PFDN5: variants seen among roughly 807,000 people sequenced by gnomAD.
PFDN5 encodes the protein c-myc binding protein.
Under a neutral mutation model 21.5 loss-of-function variants are expected in PFDN5, and 13 were observed. The observed-to-expected ratio is 0.60, with a 90% CI of 0.39 to 0.96. The LOEUF (loss-of-function observed/expected upper bound fraction) is 0.96. Among genes scored for constraint, PFDN5 ranks in the 40% least tolerant of loss-of-function variants. The pLI, the probability that PFDN5 is intolerant of heterozygous loss-of-function variation, is 0.00. For synonymous variants in PFDN5, 84 were observed against 68.9 expected, an observed-to-expected ratio of 1.22 and a Z score of -1.08; for missense variants, 188 against 186.2, an observed-to-expected ratio of 1.01 and a Z score of -0.06.
chr12:53,295,981 C>A (rs767676297), intron 2 of PFDN5, 40 bp downstream of exon 2: 13 of 1,228,376 alleles, frequency 1.1e-5, no homozygotes, highest in Non-Finnish European at 1.6e-5. Flanking sequence ...AAGTGGCGAA[C>A]CTGCTTCTCT....
At position 53,296,039 on chromosome 12, in the gene PFDN5, A is replaced by G. The variant is rs1944145940; in HGVS notation, c.175+98A>G. On this transcript the variant is annotated intron_variant, in intron 2 of 5. Coordinates refer to ENST00000334478, the MANE Select transcript of PFDN5 (RefSeq NM_002624.4). The stretch of plus-strand genomic sequence containing the variant: ...TTTCTTACCTGAAACGAGAAAATCC[A>G]TTACATATCGTATACCGCTTCATGA... 3 of 821,746 alleles carry G rather than the reference A, an allele frequency of 3.7e-6. No homozygotes were observed. In the Admixed American group the frequency reaches 6.1e-5, roughly 17 times the overall value. 50.9% of individuals were successfully genotyped at this position (821,746 alleles called of 1,614,324 possible).
At chr12:53,297,603 G>A (rs1169127534) in intron 3 of PFDN5, 1 of 488,800 alleles carries the variant, frequency 2.0e-6, no homozygotes, top group South Asian at 2.2e-5. Flanking sequence ...TGCTTAGAGA[G>A]TGAGAGATGG....
Position 53,299,434 on chromosome 12 carries a change from G to A in PFDN5, c.*89G>A. On this transcript the variant is annotated 3_prime_UTR_variant, in exon 6 of 6. Transcript: ENST00000334478. ...GTCTTGTGTTTTAATGCCAATAAAT[G>A]TGCCAGCTGGGCAGAATGTTGGTCT... is the stretch of plus-strand genomic sequence containing the variant. 2 of 840,594 alleles carry A rather than the reference G, an allele frequency of 2.4e-6. No individual in the cohort carries two copies. Among genetic ancestry groups the A allele is most frequent in the African/African-American group, 1.7e-5 (1 of 59,328 alleles). The allele number at this position is 840,594 out of a possible 1,614,324, so 52.1% of individuals were successfully genotyped here. A position where few individuals can be genotyped will look rare whatever the true frequency, so the allele number is the denominator to read the frequency against.
chr12:53,295,999 C>A, intron 2 of PFDN5, 58 bp downstream of exon 2: 2 of 1,020,536 alleles, frequency 2.0e-6, no homozygotes, highest in Non-Finnish European at 3.1e-6. Flanking sequence ...TCTCGTCCCA[C>A]CTCCTAACCC....
At chr12:53,296,408 T>G in intron 3 of PFDN5, 133 bp downstream of exon 3, 1 of 753,502 alleles carries the variant, frequency 1.3e-6, no homozygotes, top group Non-Finnish European at 2.3e-6. Flanking sequence ...GATACCCTTT[T>G]TTTTTTTCTT....
At chr12:53,296,029 G>A in intron 2 of PFDN5, 88 bp downstream of exon 2, 1 of 866,490 alleles carries the variant, frequency 1.2e-6, no homozygotes, top group Non-Finnish European at 1.9e-6. Flanking sequence ...TACCTGAAAC[G>A]AGAAAATCCA....
rs962193850 is a variant in PFDN5 at position 53,295,597 on chromosome 12, G to C, written c.30G>C (p.Leu10=). 6.2e-7 allele frequency: 1 copy of C among 1,613,972 alleles called. No homozygotes were observed. Among genetic ancestry groups the C allele is most frequent in the African/African-American group, 1.3e-5 (1 of 74,934 alleles). The change falls in exon 1 of 6, where the codon CTG becomes CTC. Residue 10 remains leucine, a synonymous_variant. Transcript: ENST00000334478. MAQSINITE[L]NLPQLEMLKN... is the part of the protein sequence containing the mutation. ...CGCAGTCTATTAACATCACGGAGCT[G>C]AATCTGCCGCAGCTAGAAATGCTCA... is the stretch of plus-strand genomic sequence containing the variant.
chr12:53,295,791 T>C, intron 1 of PFDN5, 48 bp from the exon 2 acceptor site: 1 of 1,340,218 alleles, frequency 7.5e-7, no homozygotes, highest in Non-Finnish European at 1.1e-6. Flanking sequence ...GCCGCGCTCC[T>C]TTCTCCCCTT....
intron 5 of PFDN5, chr12:53,298,486 AG>A (rs1944183375): frequency 9.8e-6 from 2 of 203,282 alleles, no homozygotes; most frequent in African/African-American, 4.6e-5. Context: ...AGAATCACTC[AG>A]GAAGTTTAAA....
At chr12:53,295,747 C>A in intron 1 of PFDN5, 92 bp from the exon 2 acceptor site, 2 of 1,285,186 alleles carry the variant, frequency 1.6e-6, no homozygotes, top group Non-Finnish European at 2.3e-6. Context: ...CCAGGCGAAA[C>A]CTCTATCCGA....
intron 5 of PFDN5, chr12:53,298,729 T>G (rs1944187478): frequency 6.4e-6 from 1 of 156,198 alleles, no homozygotes; most frequent in Non-Finnish European, 1.4e-5. Context: ...GGTTTTTTTT[T>G]TTTCCGAGAA....
Position 53,299,252 on chromosome 12 carries a change from CTTAT to C in PFDN5, c.389-14_389-11del, listed in dbSNP as rs1403183090. On this transcript the variant is annotated splice_polypyrimidine_tract_variant and intron_variant, in intron 5 of 5. Coordinates refer to ENST00000334478, the MANE Select transcript of PFDN5 (RefSeq NM_002624.4). Reference sequence around the variant, plus strand: ...TCCTTTTTGCTTCTAACCTTTGACTCTTATTTTTTTCCACAGCCGTCATGGAAAT... The same window carrying C: ...TCCTTTTTGCTTCTAACCTTTGACTCTTTTTTCCACAGCCGTCATGGAAAT... 25 of 1,595,256 alleles carry C rather than the reference CTTAT, an allele frequency of 1.6e-5. No homozygotes were observed. In the African/African-American group the frequency reaches 2.1e-4, roughly 14 times the overall value.
chr12:53,296,193 A>G (rs1944147573), intron 2 of PFDN5, 51 bp from the exon 3 acceptor site: 1 of 1,549,750 alleles, frequency 6.5e-7, no homozygotes, highest in Non-Finnish European at 8.9e-7. Flanking sequence ...TTAACGTCTT[A>G]CGTTGGAGCC....
chr12:53,295,671 T>C lies in PFDN5; in HGVS notation c.72+32T>C. 1.9e-6 allele frequency: 3 copies of C among 1,568,360 alleles called. No individual in the cohort carries two copies. In the Middle Eastern group the frequency reaches 5.0e-4, roughly 263 times the overall value. ...ACGGGCCCCAGAGGCACCTCTTTCC[T>C]GCTCTACATCCCCCTTGCCCACGCG... On this transcript the variant is annotated intron_variant, in intron 1 of 5. Coordinates refer to ENST00000334478, the MANE Select transcript of PFDN5 (RefSeq NM_002624.4).
At chr12:53,296,551 G>A (rs1944153924) in intron 3 of PFDN5, 1 of 549,548 alleles carries the variant, frequency 1.8e-6, no homozygotes, top group Non-Finnish European at 3.3e-6. Context: ...TGGGACTTTA[G>A]GTACGCGCCA....
intron 4 of PFDN5, 32 bp from the exon 5 acceptor site, chr12:53,298,012 CT>C (rs774920456): frequency 3.2e-6 from 5 of 1,568,712 alleles, no homozygotes; most frequent in African/African-American, 1.4e-5. Flanking sequence ...AGGGAGTCTC[CT>C]TTTAGCCCCT....
At position 53,296,038 on chromosome 12, in the gene PFDN5, CA is replaced by C; in HGVS notation, c.175+98del. On this transcript the variant is annotated intron_variant, in intron 2 of 5. Transcript: ENST00000334478. Reference sequence around the variant, plus strand: ...TTTTCTTACCTGAAACGAGAAAATCCATTACATATCGTATACCGCTTCATGA... The same window carrying C: ...TTTTCTTACCTGAAACGAGAAAATCCTTACATATCGTATACCGCTTCATGA... 7 of 819,446 alleles carry C rather than the reference CA, an allele frequency of 8.5e-6. No individual in the cohort carries two copies. The South Asian group carries it at 1.0e-4, about 12-fold the overall frequency. 50.8% of individuals were successfully genotyped at this position (819,446 alleles called of 1,614,324 possible).
At chr12:53,295,704 C>T (rs1944141494) in intron 1 of PFDN5, 65 bp downstream of exon 1, 4 of 1,462,684 alleles carry the variant, frequency 2.7e-6, no homozygotes, top group African/African-American at 1.4e-5. Flanking sequence ...GCGTACTTCT[C>T]GCGCCCGGTT....
At chr12:53,296,448 G>T in intron 3 of PFDN5, 173 bp downstream of exon 3, 1 of 692,392 alleles carries the variant, frequency 1.4e-6, no homozygotes, top group East Asian at 2.7e-5. Context: ...TCGCTCTGTC[G>T]CCCAGGCTGG....
Sources: gnomAD v4.1 joint callset for allele counts on GRCh38, gnomAD v4.1.1 for gene constraint, MANE v1.5 for transcripts, NCBI Gene and HGNC (gene_info 2026-07-23, HGNC 2026-07-21) for gene names.